Variants in TAFA1 observed in about 807,000 individuals in gnomAD.
TAFA1 encodes the protein TAFA chemokine like family member 1, also known as chemokine-like protein TAFA-1.
Under a neutral mutation model 18.5 loss-of-function variants are expected in TAFA1, and 4 were observed. The ratio of observed to expected loss-of-function variants is 0.22; its 90% confidence interval spans 0.11 to 0.49. TAFA1 has a LOEUF of 0.49. Ranked by LOEUF, TAFA1 falls within the 20% of genes least tolerant of loss-of-function variation. The probability of loss-of-function intolerance (pLI) is 0.98; values close to 1 mark genes in which losing one functional copy is unlikely to be tolerated. For missense variants in TAFA1, 147 were observed against 169.0 expected, an observed-to-expected ratio of 0.87 and a Z score of 0.72; for synonymous variants, 56 against 55.2, an observed-to-expected ratio of 1.01 and a Z score of -0.06.
chr3:68,329,216 C>CTTTTTTTTTTTTTTTTTTTTTT (rs10681423), intron 2 of TAFA1, among the ~76,000 whole-genome samples: 2 of 89,000 alleles, frequency 2.2e-5, no homozygotes, highest in Non-Finnish European at 4.0e-5. Flanking sequence ...GCCTGGCTGC[C>CTTTTTTTTTTTTTTTTTTTTTT]TTTTTTTTTT....
chr3:68,482,607 A>G (rs9836335), intron 3 of TAFA1, among the ~76,000 whole-genome samples: 64,000 of 152,028 alleles, frequency 0.42, 14,039 homozygotes, highest in Non-Finnish European at 0.48. Flanking sequence ...TTCATTTCCT[A>G]CTTCTCCTGG....
chr3:68,145,193 A>G, intron 2 of TAFA1: 1 of 810,426 alleles, frequency 1.2e-6, no homozygotes, highest in Non-Finnish European at 2.2e-6. Context: ...ACCACCTGCT[A>G]CAAAATCTGC....
At chr3:67,999,347 G>A (rs796774117), upstream of TAFA1, among the ~76,000 whole-genome samples, 1 of 151,268 alleles carries the variant, frequency 6.6e-6, no homozygotes, top group Non-Finnish European at 1.5e-5. Context: ...ATACAAAAGA[G>A]TAACATTAGA....
At chr3:68,459,680 T>G (rs1203459195) in intron 3 of TAFA1, among the ~76,000 whole-genome samples, 1 of 152,198 alleles carries the variant, frequency 6.6e-6, no homozygotes, top group South Asian at 2.1e-4. Context: ...AAACGAATGA[T>G]AAAATCAATA....
intron 3 of TAFA1, among the ~76,000 whole-genome samples, chr3:68,444,638 A>G (rs1342010235): frequency 2.6e-5 from 4 of 151,954 alleles, no homozygotes; most frequent in Admixed American, 2.0e-4. Flanking sequence ...TTTTAAATAC[A>G]GTGGCTCTCA....
chr3:68,538,303 C>T (rs11718412), intron 3 of TAFA1, among the ~76,000 whole-genome samples: 34,978 of 152,138 alleles, frequency 0.23, 4,754 homozygotes, highest in South Asian at 0.42. Flanking sequence ...ATTCAGCCCC[C>T]TCTCATAGTC....
chr3:68,034,975 C>T (rs1331507195), intron 2 of TAFA1, among the ~76,000 whole-genome samples: 1 of 152,134 alleles, frequency 6.6e-6, no homozygotes, highest in Non-Finnish European at 1.5e-5. Context: ...CTTCTAATTT[C>T]CACCTGAAGA....
chr3:68,177,649 G>A (rs1029396601), intron 2 of TAFA1, among the ~76,000 whole-genome samples: 6 of 152,122 alleles, frequency 3.9e-5, no homozygotes, highest in Admixed American at 6.5e-5. Context: ...TTCCACAAGG[G>A]CTTAACTATT....
chr3:68,324,045 T>G (rs1334545902), intron 2 of TAFA1, among the ~76,000 whole-genome samples: 1 of 152,166 alleles, frequency 6.6e-6, no homozygotes. Context: ...GCCTCCACCA[T>G]CTCCAAATTG....
At chr3:68,245,897 A>G (rs1057046546) in intron 2 of TAFA1, among the ~76,000 whole-genome samples, 1 of 152,228 alleles carries the variant, frequency 6.6e-6, no homozygotes, top group African/African-American at 2.4e-5. Context: ...AAGAGTCATA[A>G]AAGAGGGCTC....
chr3:67,999,358 T>C (rs1704259477), upstream of TAFA1, among the ~76,000 whole-genome samples: 2 of 150,848 alleles, frequency 1.3e-5, no homozygotes, highest in African/African-American at 4.9e-5. Flanking sequence ...TAACATTAGA[T>C]TGGGAAAGTT....
intron 2 of TAFA1, among the ~76,000 whole-genome samples, chr3:68,042,845 T>G (rs536514678): frequency 3.3e-5 from 5 of 152,262 alleles, no homozygotes; most frequent in Non-Finnish European, 5.9e-5. Flanking sequence ...ACACATTAAT[T>G]TTCATTTTAA....
the TAFA1 span, among the ~76,000 whole-genome samples, chr3:67,993,030 A>G: frequency 6.6e-6 from 1 of 152,208 alleles, no homozygotes; most frequent in Non-Finnish European, 1.5e-5. Flanking sequence ...TTTCAAAGCC[A>G]TCAGGGGTGC....
At chr3:68,394,189 C>T (rs1187517101) in intron 2 of TAFA1, among the ~76,000 whole-genome samples, 1 of 152,170 alleles carries the variant, frequency 6.6e-6, no homozygotes, top group African/African-American at 2.4e-5. Context: ...CATGAGTAAA[C>T]TCCCATTCAC....
chr3:68,539,172 A>T (rs1225828413), intron 4 of TAFA1, among the ~76,000 whole-genome samples: 3 of 152,208 alleles, frequency 2.0e-5, no homozygotes, highest in African/African-American at 7.2e-5. Flanking sequence ...AATTCATCCA[A>T]CATTTATAAT....
At chr3:68,377,981 T>A (rs866186783) in intron 2 of TAFA1, among the ~76,000 whole-genome samples, 1 of 152,164 alleles carries the variant, frequency 6.6e-6, no homozygotes, top group African/African-American at 2.4e-5. Context: ...CTGCCTAAAT[T>A]TCACAGGTTA....
intron 2 of TAFA1, among the ~76,000 whole-genome samples, chr3:68,211,178 C>A (rs768289180): frequency 1.3e-5 from 2 of 151,972 alleles, no homozygotes; most frequent in Admixed American, 6.6e-5. Flanking sequence ...AATATCTTAT[C>A]GGCTATGCAG....
At chr3:68,169,692 A>C (rs954182352) in intron 2 of TAFA1, among the ~76,000 whole-genome samples, 1 of 152,252 alleles carries the variant, frequency 6.6e-6, no homozygotes, top group Non-Finnish European at 1.5e-5. Context: ...CATGACAATG[A>C]GTCTGTATCT....
At chr3:68,423,140 G>A (rs910755367) in intron 3 of TAFA1, among the ~76,000 whole-genome samples, 20 of 151,738 alleles carry the variant, frequency 1.3e-4, no homozygotes, top group African/African-American at 4.6e-4. Flanking sequence ...AAATAGTATC[G>A]ATCTCAAAGT....
Sources: gnomAD v4.1 joint callset for allele counts (sites outside exome capture counted in the v4.1 genomes callset) on GRCh38, gnomAD v4.1.1 for gene constraint, MANE v1.5 for transcripts, NCBI Gene and HGNC (gene_info 2026-07-23, HGNC 2026-07-21) for gene names.